CLIP4: variants seen among roughly 807,000 people sequenced by gnomAD.
CLIP4 encodes CAP-Gly domain containing linker protein family member 4.
A neutral mutation model predicts 73.1 loss-of-function variants in CLIP4; 47 were observed. The observed-to-expected ratio is 0.64, with a 90% confidence interval of 0.51 to 0.82. The LOEUF (loss-of-function observed/expected upper bound fraction) is 0.82, where lower values mean the gene tolerates loss of function less well. Among genes scored for constraint, CLIP4 ranks in the 40% least tolerant of loss-of-function variants. The probability of loss-of-function intolerance (pLI) is 0.00; values close to 1 mark genes in which losing one functional copy is unlikely to be tolerated. For synonymous variants in CLIP4, 306 were observed against 295.4 expected, an observed-to-expected ratio of 1.04 and a Z score of -0.37; for missense variants, 874 against 852.9, an observed-to-expected ratio of 1.02 and a Z score of -0.31.
intron 2 of CLIP4, among the ~76,000 whole-genome samples, chr2:29,123,284 C>G (rs893098639): frequency 6.6e-6 from 1 of 152,188 alleles, no homozygotes; most frequent in African/African-American, 2.4e-5. Flanking sequence ...TCAGTCTCCC[C>G]TTGAAAAGCG....
At chr2:29,122,826 CAAAAAAAAAA>C (rs11364909) in intron 2 of CLIP4, among the ~76,000 whole-genome samples, 24 of 61,930 alleles carry the variant, frequency 3.9e-4, no homozygotes, top group African/African-American at 1.7e-3. Context: ...ACTTTGTCTC[CAAAAAAAAAA>C]AAAAAAAAAA....
At chr2:29,143,651 A>G in intron 6 of CLIP4, 58 bp from the exon 7 acceptor site, 3 of 1,136,446 alleles carry the variant, frequency 2.6e-6, no homozygotes, top group Non-Finnish European at 2.6e-6. Context: ...GAAATTTTAT[A>G]TGACTTTCTA....
intron 2 of CLIP4, among the ~76,000 whole-genome samples, chr2:29,127,128 A>G (rs935364627): frequency 6.6e-6 from 1 of 152,182 alleles, no homozygotes; most frequent in Admixed American, 6.5e-5. Flanking sequence ...AATAGTGAAT[A>G]TGTACACATT....
chr2:29,107,358 G>GTTTTGTTTTTTTTTTTTT (rs1668239932), intron 1 of CLIP4, among the ~76,000 whole-genome samples: 1 of 65,352 alleles, frequency 1.5e-5, no homozygotes, highest in Non-Finnish European at 3.0e-5. Flanking sequence ...GAACATGATA[G>GTTTTGTTTTTTTTTTTTT]TTTTTTTTTT....
chr2:29,183,410 C>T lies in CLIP4; in HGVS notation c.*1517C>T, dbSNP rs1268791217. The T allele has an allele frequency of 6.6e-6, 1 of 152,534 alleles. No homozygotes were observed. Among genetic ancestry groups the T allele is most frequent in the Non-Finnish European group, 1.5e-5 (1 of 68,002 alleles). 9.4% of individuals were successfully genotyped at this position (152,534 alleles called of 1,614,324 possible). A position where few individuals can be genotyped will look rare whatever the true frequency, so the allele number is the denominator to read the frequency against. ...GAAATACATTTGCAAAATAAGGCTG[C>T]TTTGTAATCAAGGAATATTTTTATT... On this transcript the variant is annotated 3_prime_UTR_variant, in exon 16 of 16. Coordinates refer to ENST00000320081, the MANE Select transcript of CLIP4 (RefSeq NM_024692.6).
chr2:29,144,003 C>A, intron 7 of CLIP4, 58 bp downstream of exon 7: 1 of 1,379,992 alleles, frequency 7.2e-7, no homozygotes, highest in South Asian at 1.2e-5. Context: ...GACCTATGTT[C>A]AAGGACACAG....
chr2:29,127,569 T>A (rs748322101), intron 2 of CLIP4, among the ~76,000 whole-genome samples: 2 of 152,178 alleles, frequency 1.3e-5, no homozygotes, highest in Non-Finnish European at 2.9e-5. Flanking sequence ...ATAAAAATTA[T>A]AATCACCCTC....
At position 29,145,289 on chromosome 2, in the gene CLIP4, A is replaced by G. The variant is rs916797921; in HGVS notation, c.943A>G (p.Ile315Val). ...TEFASGQWAG[I>V]ELDEPEGKNN... Reference sequence around the variant, plus strand: ...ATTTGCAAGTGGGCAGTGGGCTGGCATTGAACTGGATGAACCAGAAGGAAA... The same window carrying G: ...ATTTGCAAGTGGGCAGTGGGCTGGCGTTGAACTGGATGAACCAGAAGGAAA... The change falls in exon 8 of 16, where the codon ATT becomes GTT. Residue 315 changes from isoleucine to valine, a missense_variant. By Grantham distance (29) the Ile-to-Val change is conservative. Coordinates refer to ENST00000320081, the MANE Select transcript of CLIP4 (RefSeq NM_024692.6). 1 of 1,613,844 alleles carries G rather than the reference A, an allele frequency of 6.2e-7. No homozygotes were observed. Among genetic ancestry groups the G allele is most frequent in the Non-Finnish European group, 8.5e-7 (1 of 1,179,774 alleles).
chr2:29,106,215 T>C (rs941571079), intron 1 of CLIP4, among the ~76,000 whole-genome samples: 6 of 152,046 alleles, frequency 3.9e-5, no homozygotes, highest in Admixed American at 3.3e-4. Flanking sequence ...ACTTATCTTA[T>C]AGAAGTCAAA....
At chr2:29,132,292 T>C in intron 4 of CLIP4, 47 bp downstream of exon 4, 1 of 1,435,690 alleles carries the variant, frequency 7.0e-7, no homozygotes, top group South Asian at 1.2e-5. Context: ...TCTGCACTTG[T>C]GCTTAGATAA....
At chr2:29,115,214 G>A (rs1161905523), upstream of CLIP4, 9 of 152,340 alleles carry the variant, frequency 5.9e-5, no homozygotes, top group African/African-American at 2.2e-4. The surrounding 1 kb of genome is among the most constrained non-coding windows in gnomAD (Gnocchi z 5.1). Context: ...GTGAGGCCGC[G>A]AGGCTGAGGG....
At chr2:29,169,245 T>C (rs1356812770) in intron 14 of CLIP4, among the ~76,000 whole-genome samples, 2 of 152,068 alleles carry the variant, frequency 1.3e-5, no homozygotes, top group Non-Finnish European at 2.9e-5. Flanking sequence ...ATCAAGGTGT[T>C]GGCAGGTTTG....
At chr2:29,127,508 T>G (rs1353123874) in intron 2 of CLIP4, among the ~76,000 whole-genome samples, 1 of 152,196 alleles carries the variant, frequency 6.6e-6, no homozygotes, top group Non-Finnish European at 1.5e-5. Flanking sequence ...AGAAAAGGCA[T>G]TCTTTAACTC....
At chr2:29,167,330 G>T (rs1296224353) in intron 13 of CLIP4, 146 bp from the exon 14 acceptor site, 3 of 459,044 alleles carry the variant, frequency 6.5e-6, no homozygotes, top group Non-Finnish European at 1.2e-5. Flanking sequence ...CATGCCAGAT[G>T]GAAGTTCATT....
At chr2:29,139,169 GT>G (rs1665583377) in intron 6 of CLIP4, among the ~76,000 whole-genome samples, 1 of 149,708 alleles carries the variant, frequency 6.7e-6, no homozygotes. Flanking sequence ...TTTGAGGTAT[GT>G]TCCTTCAATG....
chr2:29,152,947 A>C, intron 9 of CLIP4, 119 bp downstream of exon 9: 1 of 1,090,372 alleles, frequency 9.2e-7, no homozygotes, highest in South Asian at 1.5e-5. Flanking sequence ...TGAATTTAAT[A>C]AAACCTGCAT....
intron 6 of CLIP4, among the ~76,000 whole-genome samples, chr2:29,136,683 G>A (rs1005094814): frequency 1.8e-4 from 27 of 152,192 alleles, no homozygotes; most frequent in African/African-American, 6.0e-4. Context: ...GCTTACATAG[G>A]CAAGAATTAA....
At chr2:29,174,863 A>T (rs569197776) in intron 15 of CLIP4, 386 of 220,082 alleles carry the variant, frequency 1.8e-3, no homozygotes, top group Middle Eastern at 4.7e-3. Flanking sequence ...TCCTCTTAAG[A>T]GTATAATGCT....
chr2:29,122,341 A>G (rs1231287337), intron 2 of CLIP4, among the ~76,000 whole-genome samples: 1 of 151,626 alleles, frequency 6.6e-6, no homozygotes, highest in African/African-American at 2.4e-5. Flanking sequence ...AGTTATCTGC[A>G]GGTTTTGCAG....
Sources: gnomAD v4.1 joint callset for allele counts (sites outside exome capture counted in the v4.1 genomes callset) on GRCh38, gnomAD v4.1.1 for gene constraint, Gnocchi (gnomAD v3.1) non-coding constraint, MANE v1.5 for transcripts, NCBI Gene and HGNC (gene_info 2026-07-23, HGNC 2026-07-21) for gene names.